The following MYCBP2 variants were observed in gnomAD, a reference collection of about 807,000 sequenced individuals.
The protein encoded by MYCBP2 is E3 ubiquitin-protein ligase MYCBP2.
A neutral mutation model predicts 525.3 loss-of-function variants in MYCBP2; 120 were observed. The observed-to-expected ratio is 0.23, with a 90% CI of 0.20 to 0.27. MYCBP2 has a LOEUF of 0.27. Among genes scored for constraint, MYCBP2 ranks in the 10% least tolerant of loss-of-function variants. The probability of loss-of-function intolerance (pLI) is 1.00; values close to 1 mark genes in which losing one functional copy is unlikely to be tolerated. For missense variants in MYCBP2, 4,149 were observed against 5,657.1 expected, an observed-to-expected ratio of 0.73 and a Z score of 8.55; for synonymous variants, 1,894 against 1,955.8, an observed-to-expected ratio of 0.97 and a Z score of 0.83.
At chr13:77,296,255 AC>A (rs2078177019) in intron 2 of MYCBP2, among the ~76,000 whole-genome samples, 1 of 152,136 alleles carries the variant, frequency 6.6e-6, no homozygotes, top group Admixed American at 6.5e-5. Flanking sequence ...CCCTGTCTCT[AC>A]AAAAAATTTA....
intron 78 of MYCBP2, among the ~76,000 whole-genome samples, chr13:77,057,585 A>G (rs1055863775): frequency 1.3e-5 from 2 of 152,198 alleles, no homozygotes; most frequent in Non-Finnish European, 2.9e-5. Flanking sequence ...TAAAAATACC[A>G]TTCTGGATTT....
rs1391654540 is a variant in MYCBP2 at position 77,067,723 on chromosome 13, T to A, written c.12313A>T (p.Ile4105Phe). The A allele has an allele frequency of 6.2e-7, 1 of 1,614,164 alleles. No homozygotes were observed. Among genetic ancestry groups the A allele is most frequent in the South Asian group, 1.1e-5 (1 of 91,076 alleles). Residue 4105 changes from isoleucine to phenylalanine, a missense_variant, in exon 71 of 83, where the codon ATC becomes TTC. This residue lies in a region of MYCBP2 where 148 missense variants were observed against 179.4 expected (regional missense o/e 0.82). Coordinates refer to ENST00000544440, the MANE Select transcript of MYCBP2 (RefSeq NM_015057.5). ...TEKGDWNKLGILDMFLGCIAK... is the reference protein window; with the variant it reads ...TEKGDWNKLGFLDMFLGCIAK... ...ATGCATCCTAGAAACATGTCCAAGATACCCAGCTTATTCCAGTCTCCTTTC... is the reference window on the plus strand; with the variant it reads ...ATGCATCCTAGAAACATGTCCAAGAAACCCAGCTTATTCCAGTCTCCTTTC...
At chr13:77,249,543 G>A (rs2070743499) in intron 15 of MYCBP2, among the ~76,000 whole-genome samples, 1 of 152,148 alleles carries the variant, frequency 6.6e-6, no homozygotes, top group South Asian at 2.1e-4. Flanking sequence ...TCAGAGAGTG[G>A]GGATATTAAA....
chr13:77,108,381 G>C (rs546871140), intron 55 of MYCBP2, among the ~76,000 whole-genome samples: 5 of 152,220 alleles, frequency 3.3e-5, no homozygotes, highest in Non-Finnish European at 7.4e-5. Flanking sequence ...ATAATTTGAT[G>C]GGTATATATC....
At chr13:77,067,540 C>A in intron 71 of MYCBP2, 41 bp downstream of exon 71, 1 of 1,592,762 alleles carries the variant, frequency 6.3e-7, no homozygotes, top group South Asian at 1.1e-5. Context: ...CAGTAGCTCA[C>A]TCTATTCTGT....
chr13:77,316,706 T>C (rs2080986877), intron 1 of MYCBP2, among the ~76,000 whole-genome samples: 1 of 152,206 alleles, frequency 6.6e-6, no homozygotes. Context: ...TCTTCTCTAC[T>C]AGCCATTCTA....
chr13:77,310,666 G>A (rs1476307013), intron 1 of MYCBP2, among the ~76,000 whole-genome samples: 1 of 151,886 alleles, frequency 6.6e-6, no homozygotes, highest in Non-Finnish European at 1.5e-5. Context: ...TAATATTTGA[G>A]GAAATAAAGG....
intron 82 of MYCBP2, among the ~76,000 whole-genome samples, chr13:77,050,032 C>T (rs984727662): frequency 1.7e-4 from 26 of 151,016 alleles, no homozygotes; most frequent in African/African-American, 3.2e-4. Flanking sequence ...TAAACTGATG[C>T]GTAATATTAG....
intron 55 of MYCBP2, among the ~76,000 whole-genome samples, chr13:77,100,605 T>C (rs990543804): frequency 2.0e-5 from 3 of 152,046 alleles, no homozygotes; most frequent in Admixed American, 2.0e-4. Flanking sequence ...GGTGAAATAA[T>C]AGAGTATGGC....
At chr13:77,177,089 C>T (rs568771340) in intron 35 of MYCBP2, among the ~76,000 whole-genome samples, 2 of 151,470 alleles carry the variant, frequency 1.3e-5, no homozygotes, top group African/African-American at 4.8e-5. Context: ...TAAGAATCAC[C>T]CATTAGTACT....
At position 77,051,704 on chromosome 13, in the gene MYCBP2, A is replaced by G. The variant is rs1374383908; in HGVS notation, c.13755+107T>C. 3 of 729,914 alleles carry G rather than the reference A, an allele frequency of 4.1e-6. No homozygotes were observed. In the East Asian group the frequency reaches 8.3e-5, roughly 20 times the overall value. The allele number at this position is 729,914 out of a possible 1,614,324, so 45.2% of individuals were successfully genotyped here. A position where few individuals can be genotyped will look rare whatever the true frequency, so the allele number is the denominator to read the frequency against. The stretch of plus-strand genomic sequence containing the variant: ...ATACAACACTGAACAAATATCAGAA[A>G]ATACTGAGGAGAAAAGCCTGATTTA... On this transcript the variant is annotated intron_variant, in intron 81 of 82. Coordinates refer to ENST00000544440, the MANE Select transcript of MYCBP2 (RefSeq NM_015057.5).
chr13:77,254,796 T>G (rs2071871771), intron 14 of MYCBP2, among the ~76,000 whole-genome samples: 1 of 151,946 alleles, frequency 6.6e-6, no homozygotes, highest in African/African-American at 2.4e-5. Context: ...TAATCACTAT[T>G]CTATTTACTA....
chr13:77,071,927 A>G (rs2041376227), intron 68 of MYCBP2, among the ~76,000 whole-genome samples: 1 of 152,186 alleles, frequency 6.6e-6, no homozygotes, highest in African/African-American at 2.4e-5. Flanking sequence ...ATATAAAGCT[A>G]ACAGGAAAAT....
intron 46 of MYCBP2, among the ~76,000 whole-genome samples, chr13:77,154,122 T>C (rs934682132): frequency 2.6e-5 from 4 of 152,170 alleles, no homozygotes; most frequent in South Asian, 2.1e-4. Context: ...CATATACTAA[T>C]AGGCTGAAAG....
rs767111218 is a variant in MYCBP2, at chr13:77,096,508, T to G, written c.9785-27A>C. 13 of 1,611,072 alleles carry G rather than the reference T, an allele frequency of 8.1e-6. No individual in the cohort carries two copies. In the South Asian group the frequency reaches 1.2e-4, roughly 15 times the overall value. On this transcript the variant is annotated intron_variant, in intron 56 of 82. Transcript: ENST00000544440. The stretch of plus-strand genomic sequence containing the variant: ...TTGAAACAATACCAAAAATAAATAT[T>G]TAACACTCCAAGTGTCCTTAATAGT...
chr13:77,132,115 C>T (rs929469966), intron 52 of MYCBP2, among the ~76,000 whole-genome samples: 18 of 151,932 alleles, frequency 1.2e-4, no homozygotes, highest in Admixed American at 4.6e-4. Flanking sequence ...TAACACTAAG[C>T]TAAAGAATGA....
intron 44 of MYCBP2, among the ~76,000 whole-genome samples, chr13:77,159,095 T>C (rs2057559000): frequency 6.6e-6 from 1 of 152,230 alleles, no homozygotes; most frequent in South Asian, 2.1e-4. Flanking sequence ...TTTGAAATTA[T>C]ACAGTTTCAA....
In MYCBP2 at chr13:77,098,649, C is replaced by G; in HGVS notation, c.8505G>C (p.Ser2835=). Residue 2835 remains serine (S), a synonymous_variant, in exon 56 of 83, where the codon TCG becomes TCC. Coordinates refer to ENST00000544440, the MANE Select transcript of MYCBP2 (RefSeq NM_015057.5). ...AGGAGGAGCGTGGAGAACTAGCACC[C>G]GATGGGCTAGACCTATTGGCTGGGA... is the stretch of plus-strand genomic sequence containing the variant. ...KTLPANRSSP[S]GASSPRSSSP... The G allele has an allele frequency of 6.2e-7, 1 of 1,613,440 alleles. No individual in the cohort carries two copies.
chr13:77,089,625 A>G (rs117264754), intron 60 of MYCBP2, among the ~76,000 whole-genome samples: 5,029 of 150,720 alleles, frequency 0.033, 219 homozygotes, highest in East Asian at 0.17. Context: ...TGTTGATACC[A>G]ACTGGTCCAG....
Sources: allele counts gnomAD v4.1 joint callset (sites outside exome capture counted in the v4.1 genomes callset), GRCh38; gene constraint gnomAD v4.1.1; regional missense constraint gnomAD v4.1.1; transcripts MANE v1.5; gene names NCBI Gene and HGNC (gene_info 2026-07-23, HGNC 2026-07-21).